Variants in CCDC187 observed in about 807,000 individuals in gnomAD.
The protein encoded by CCDC187 is coiled-coil domain-containing protein 187.
Under a neutral mutation model 38.0 loss-of-function variants are expected in CCDC187, and 32 were observed. That is an observed-to-expected ratio of 0.84 (90% CI 0.64 to 1.13). CCDC187 has a LOEUF of 1.13. CCDC187 is among the 50% of genes most tolerant of loss of function. The pLI is 0.00. For synonymous variants in CCDC187, 333 were observed against 347.9 expected (o/e 0.96, Z 0.48); for missense variants, 707 against 786.8 (o/e 0.90, Z 1.21).
intron 16 of CCDC187, 51 bp downstream of exon 16, chr9:136,267,333 G>C: frequency 1.0e-6 from 1 of 976,818 alleles, no homozygotes. Context: ...CGGGGCTACA[G>C]CAGGGCGGGG....
chr9:136,289,072 T>G (rs1371985457), intron 7 of CCDC187, among the ~76,000 whole-genome samples: 1 of 152,180 alleles, frequency 6.6e-6, no homozygotes, highest in Non-Finnish European at 1.5e-5. Flanking sequence ...CAGCCGGGCA[T>G]TATTCAGCCA....
rs950825315 is a variant in CCDC187 at position 136,292,162 on chromosome 9, T to G, written c.966A>C (p.Leu322Phe). The change falls in exon 5 of 26, where the codon TTA (leucine) becomes TTC (phenylalanine). Residue 322 changes from leucine (L) to phenylalanine (F), a missense_variant and splice_region_variant. Physicochemically the swap from Leu to Phe is conservative, Grantham distance 22. Coordinates refer to ENST00000638797, the MANE Select transcript of CCDC187 (RefSeq NM_001378188.1). Reference protein sequence around the residue: ...PSRDPALTVDLGDSEKVIAAK... With the variant: ...PSRDPALTVDFGDSEKVIAAK... ...AGCCCATGGCAGAGGCACAGGTACC[T>G]AAGTCCACGGTGAGAGCCGGGTCTC... is the stretch of plus-strand genomic sequence containing the variant. 1 of 398,688 alleles carries G rather than the reference T, an allele frequency of 2.5e-6. No homozygotes were observed. Among genetic ancestry groups the G allele is most frequent in the Non-Finnish European group, 4.4e-6 (1 of 226,174 alleles). 24.7% of individuals were successfully genotyped at this position (398,688 alleles called of 1,614,324 possible). A position where few individuals can be genotyped will look rare whatever the true frequency, so the allele number is the denominator to read the frequency against.
intron 7 of CCDC187, 65 bp downstream of exon 7, chr9:136,289,893 AG>A: frequency 2.6e-6 from 1 of 377,628 alleles, no homozygotes; most frequent in Non-Finnish European, 4.6e-6. Context: ...GAACGCACCC[AG>A]AACTGTTCTT....
chr9:136,294,437 C>G, intron 4 of CCDC187, among the ~76,000 whole-genome samples: 1 of 152,204 alleles, frequency 6.6e-6, no homozygotes, highest in East Asian at 1.9e-4. Flanking sequence ...TTAGGCCCAG[C>G]CCAGGGCAGC....
chr9:136,272,276 A>T (rs1259436244), intron 14 of CCDC187, among the ~76,000 whole-genome samples: 1 of 152,276 alleles, frequency 6.6e-6, no homozygotes, highest in Non-Finnish European at 1.5e-5. Context: ...AGATGTAAAT[A>T]TAAACACATA....
chr9:136,251,380 C>T lies in CCDC187; in HGVS notation c.*2214G>A, dbSNP rs541591850. ...GAAAAGCCCCCGGCCGTGCGGGCTGCGCAGAAATGACCTTGGGCCCTTGAG... is the reference window on the plus strand; with the variant it reads ...GAAAAGCCCCCGGCCGTGCGGGCTGTGCAGAAATGACCTTGGGCCCTTGAG... On this transcript the variant is annotated 3_prime_UTR_variant, in exon 26 of 26. Transcript: ENST00000638797. 6 of 260,400 alleles carry T rather than the reference C, an allele frequency of 2.3e-5. No individual in the cohort carries two copies. Among genetic ancestry groups the T allele is most frequent in the South Asian group, 8.3e-5 (2 of 24,236 alleles). The allele number at this position is 260,400 out of a possible 1,614,324, so 16.1% of individuals were successfully genotyped here.
chr9:136,261,500 T>C (rs530211350), intron 19 of CCDC187, among the ~76,000 whole-genome samples: 1 of 152,148 alleles, frequency 6.6e-6, no homozygotes, highest in Non-Finnish European at 1.5e-5. Context: ...CCTCCAGCCC[T>C]ATAAGCAAAC....
chr9:136,291,014 A>AC lies in CCDC187; in HGVS notation c.1598dup (p.Ser533ArgfsTer17). On this transcript the variant is annotated frameshift_variant, in exon 6 of 26. Coordinates refer to ENST00000638797, the MANE Select transcript of CCDC187 (RefSeq NM_001378188.1). LOFTEE classifies it high-confidence loss of function. ...GTGGACAGGGCTGTGTGGCTACAGC[A>AC]CTCCAGGGCTGCTGGGGGAAGGGGC... 2.5e-6 allele frequency: 1 copy of AC among 398,288 alleles called. No individual in the cohort carries two copies. Among genetic ancestry groups the AC allele is most frequent in the Non-Finnish European group, 4.4e-6 (1 of 226,012 alleles). The allele number at this position is 398,288 out of a possible 1,614,324, so 24.7% of individuals were successfully genotyped here. A position where few individuals can be genotyped will look rare whatever the true frequency, so the allele number is the denominator to read the frequency against.
chr9:136,289,878 CCCCAGAACGCA>C (rs1660721249), intron 7 of CCDC187, 70 bp downstream of exon 7: 1 of 394,424 alleles, frequency 2.5e-6, no homozygotes. Flanking sequence ...GTCACGAGGG[CCCCAGAACGCA>C]CCCAGAACTG....
At chr9:136,293,884 G>C (rs940255943) in intron 4 of CCDC187, among the ~76,000 whole-genome samples, 2,097 of 150,012 alleles carry the variant, frequency 0.014, 55 homozygotes, top group African/African-American at 0.048. Context: ...TGACTCACAC[G>C]CTCACACACA....
In CCDC187 at chr9:136,290,588, G is replaced by A; in HGVS notation, c.2025C>T (p.Val675=). 2.5e-6 allele frequency: 1 copy of A among 398,750 alleles called. No homozygotes were observed. Among genetic ancestry groups the A allele is most frequent in the Non-Finnish European group, 4.4e-6 (1 of 226,164 alleles). The allele number at this position is 398,750 out of a possible 1,614,324, so 24.7% of individuals were successfully genotyped here. The change falls in exon 6 of 26, where the codon GTC becomes GTT. Residue 675 remains valine, a synonymous_variant. Coordinates refer to ENST00000638797, the MANE Select transcript of CCDC187 (RefSeq NM_001378188.1). ...RELRSRRLQE[V]YRQQREAVLG... ...GGACGGCCTCCCTCTGCTGCCGGTA[G>A]ACCTCCTGCAGCCTCCGGCTCCTCA...
chr9:136,254,176 C>G lies in CCDC187; in HGVS notation c.5652G>C (p.Ser1884=). 2 of 985,450 alleles carry G rather than the reference C, an allele frequency of 2.0e-6. No individual in the cohort carries two copies. Among genetic ancestry groups the G allele is most frequent in the South Asian group, 9.4e-5 (2 of 21,286 alleles). 61.0% of individuals were successfully genotyped at this position (985,450 alleles called of 1,614,324 possible). A position where few individuals can be genotyped will look rare whatever the true frequency, so the allele number is the denominator to read the frequency against. The change falls in exon 26 of 26, where the codon TCG becomes TCC. Residue 1884 remains serine, a synonymous_variant. Coordinates refer to ENST00000638797, the MANE Select transcript of CCDC187 (RefSeq NM_001378188.1). The stretch of plus-strand genomic sequence containing the variant: ...ACGAAGGAAAGACCAGCAGTGAGTC[C>G]GAGTCACCGGCAGAAGAGATTTGCA... The part of the protein sequence containing the change: ...FPLQISSAGD[S]DSLLVFPSWT...
At chr9:136,273,580 C>CA (rs1830876359) in intron 14 of CCDC187, among the ~76,000 whole-genome samples, 2 of 152,180 alleles carry the variant, frequency 1.3e-5, no homozygotes, top group Admixed American at 1.3e-4. Flanking sequence ...ATTTCAATTC[C>CA]AGTCTCTTAT....
chr9:136,268,021 C>T (rs1554761924), intron 15 of CCDC187, 28 bp downstream of exon 15: 1 of 985,256 alleles, frequency 1.0e-6, no homozygotes. Flanking sequence ...GAAATTGTGC[C>T]TCTCCCCCAG....
chr9:136,293,486 A>AGCTC (rs1831429788), intron 4 of CCDC187, among the ~76,000 whole-genome samples: 20 of 51,810 alleles, frequency 3.9e-4, no homozygotes, highest in African/African-American at 1.5e-3. Flanking sequence ...CACACTCACA[A>AGCTC]ACACATGCTC....
rs1463449740 is a variant in CCDC187, at chr9:136,262,439, G to A, written c.3936C>T (p.Ala1312=). The A allele has an allele frequency of 5.1e-6, 5 of 985,784 alleles. No individual in the cohort carries two copies. The highest frequency in any genetic ancestry group is 6.0e-6 in the Non-Finnish European group (5 of 830,186). 61.1% of individuals were successfully genotyped at this position (985,784 alleles called of 1,614,324 possible). A position where few individuals can be genotyped will look rare whatever the true frequency, so the allele number is the denominator to read the frequency against. Residue 1312 remains alanine (A), a synonymous_variant, in exon 19 of 26, where the codon GCC becomes GCT. Transcript: ENST00000638797. ...TTGTCTCTGAGCCTCCCTCCCAGGCGGCCTTGACTTTGGGGCTGGAACCCT... is the reference window on the plus strand; with the variant it reads ...TTGTCTCTGAGCCTCCCTCCCAGGCAGCCTTGACTTTGGGGCTGGAACCCT... The part of the protein sequence containing the change: ...LQQGSSPKVK[A]AWEGGSETSQ...
At position 136,292,259 on chromosome 9, in the gene CCDC187, C is replaced by A. The variant is rs1831350767; in HGVS notation, c.869G>T (p.Gly290Val). Residue 290 changes from glycine to valine, a missense_variant, in exon 5 of 26, where the codon GGA (glycine) becomes GTA (valine). Transcript: ENST00000638797. Reference sequence around the variant, plus strand: ...AAGCAGCGACCTCACCAGAGCTTGTCCCTTTCTCCAGGCGTAAACACCAAC... The same window carrying A: ...AAGCAGCGACCTCACCAGAGCTTGTACCTTTCTCCAGGCGTAAACACCAAC... The part of the protein sequence containing the change: ...ELVGVYAWRK[G>V]QALVRSLLGP... 5.0e-6 allele frequency: 2 copies of A among 398,748 alleles called. No homozygotes were observed. Among genetic ancestry groups the A allele is most frequent in the Non-Finnish European group, 8.8e-6 (2 of 226,162 alleles). 24.7% of individuals were successfully genotyped at this position (398,748 alleles called of 1,614,324 possible).
At chr9:136,267,699 C>T in intron 15 of CCDC187, 188 bp from the exon 16 acceptor site, 3 of 913,244 alleles carry the variant, frequency 3.3e-6, no homozygotes, top group Non-Finnish European at 3.9e-6. Context: ...CTCGCTTCCC[C>T]GACTGTGAGC....
In CCDC187 at chr9:136,290,749, G is replaced by C. The variant is rs1205563020; in HGVS notation, c.1864C>G (p.Pro622Ala). Residue 622 changes from proline (P) to alanine (A), a missense_variant, in exon 6 of 26, where the codon CCC (proline) becomes GCC (alanine). Transcript: ENST00000638797. ...AGGAGCCCCCGGGACCTGGGGCAGG[G>C]CCGCAGCGTGTCCTTCTCCTTCCCA... The part of the protein sequence containing the change: ...PLGKEKDTLR[P>A]CPRSRGLLGP... The C allele has an allele frequency of 2.0e-5, 8 of 398,396 alleles. No individual in the cohort carries two copies. The highest frequency in any genetic ancestry group is 1.4e-4 in the African/African-American group (7 of 48,646). The allele number at this position is 398,396 out of a possible 1,614,324, so 24.7% of individuals were successfully genotyped here.
Sources: allele counts gnomAD v4.1 joint callset (sites outside exome capture counted in the v4.1 genomes callset), GRCh38; gene constraint gnomAD v4.1.1; transcripts MANE v1.5; gene names NCBI Gene and HGNC (gene_info 2026-07-23, HGNC 2026-07-21).